The following RORA variants were observed in gnomAD, a reference collection of about 807,000 sequenced individuals.
RORA encodes the protein RAR related orphan receptor A.
Under a neutral mutation model 69.5 loss-of-function variants are expected in RORA, and 7 were observed. The ratio of observed to expected loss-of-function variants is 0.10; its 90% CI spans 0.06 to 0.19. The LOEUF (loss-of-function observed/expected upper bound fraction) is 0.19, where lower values mean the gene tolerates loss of function less well. Among genes scored for constraint, RORA ranks in the 10% least tolerant of loss-of-function variants. The probability of loss-of-function intolerance (pLI) is 1.00; values close to 1 mark genes in which losing one functional copy is unlikely to be tolerated. For missense variants in RORA, 457 were observed against 663.0 expected, an observed-to-expected ratio of 0.69 and a Z score of 3.41; for synonymous variants, 261 against 240.8, an observed-to-expected ratio of 1.08 and a Z score of -0.78.
chr15:60,616,716 T>C (rs2069253245), intron 2 of RORA, among the ~76,000 whole-genome samples: 1 of 152,248 alleles, frequency 6.6e-6, no homozygotes, highest in South Asian at 2.1e-4. Flanking sequence ...TGATTTTCCC[T>C]GAGTAATCTT....
intron 1 of RORA, among the ~76,000 whole-genome samples, chr15:60,721,924 C>G (rs776349326): frequency 2.6e-5 from 4 of 152,256 alleles, no homozygotes; most frequent in African/African-American, 4.8e-5. Flanking sequence ...AGGACTCGCC[C>G]TAGACGGCGT....
At chr15:60,926,020 G>A (rs1039815536) in intron 1 of RORA, among the ~76,000 whole-genome samples, 2 of 152,334 alleles carry the variant, frequency 1.3e-5, no homozygotes, top group African/African-American at 4.8e-5. Context: ...CCTGAAGGTG[G>A]GAGGATAGAG....
At chr15:61,101,538 T>G (rs1316785578) in intron 1 of RORA, among the ~76,000 whole-genome samples, 2 of 152,154 alleles carry the variant, frequency 1.3e-5, no homozygotes, top group African/African-American at 4.8e-5. Flanking sequence ...TAAACTGGAA[T>G]GATCCTAGAA....
At chr15:60,954,744 T>C (rs1009389619) in intron 1 of RORA, among the ~76,000 whole-genome samples, 1 of 152,188 alleles carries the variant, frequency 6.6e-6, no homozygotes, top group Non-Finnish European at 1.5e-5. Context: ...TTTTTGCCAT[T>C]AAAATTAATG....
intron 2 of RORA, chr15:60,593,263 C>T (rs931298159): frequency 6.0e-6 from 1 of 167,552 alleles, no homozygotes; most frequent in African/African-American, 2.4e-5. Context: ...CCACTGATAC[C>T]TGCAAGGAAA....
intron 2 of RORA, among the ~76,000 whole-genome samples, chr15:60,581,306 CTT>C (rs1249601592): frequency 6.6e-6 from 1 of 152,172 alleles, no homozygotes; most frequent in African/African-American, 2.4e-5. Context: ...TCTTAAACAA[CTT>C]TGTTTCTCTG....
intron 1 of RORA, among the ~76,000 whole-genome samples, chr15:61,076,129 G>A (rs948015757): frequency 1.1e-4 from 17 of 152,184 alleles, no homozygotes; most frequent in Admixed American, 3.9e-4. Context: ...ATGCAGACCC[G>A]TGATTCTCTG....
At chr15:61,103,238 A>G (rs1480690807) in intron 1 of RORA, among the ~76,000 whole-genome samples, 3 of 152,084 alleles carry the variant, frequency 2.0e-5, no homozygotes, top group African/African-American at 4.8e-5. Context: ...GCAGTGGAGG[A>G]TGGGCTGTGA....
chr15:61,146,012 T>A (rs28709200), intron 1 of RORA, among the ~76,000 whole-genome samples: 1,838 of 152,314 alleles, frequency 0.012, 39 homozygotes, highest in African/African-American at 0.042. Flanking sequence ...AGATAGCAGG[T>A]AGCTTGAGTT....
At chr15:61,110,940 T>C (rs2079001238) in intron 1 of RORA, among the ~76,000 whole-genome samples, 1 of 151,940 alleles carries the variant, frequency 6.6e-6, no homozygotes, top group Non-Finnish European at 1.5e-5. Flanking sequence ...ATGTGTGGAG[T>C]TGTTTGTTTC....
intron 1 of RORA, among the ~76,000 whole-genome samples, chr15:60,846,052 T>C (rs1459760021): frequency 2.0e-5 from 3 of 152,186 alleles, no homozygotes; most frequent in Non-Finnish European, 4.4e-5. Context: ...GCTGTGAAGC[T>C]ATTTTTATTA....
intron 1 of RORA, among the ~76,000 whole-genome samples, chr15:60,833,169 G>C (rs2073069664): frequency 6.6e-6 from 1 of 151,460 alleles, no homozygotes; most frequent in Non-Finnish European, 1.5e-5. Flanking sequence ...CTCTCAAAAT[G>C]CTGGGATTAC....
chr15:61,207,185 C>A (rs1026595966), intron 1 of RORA, among the ~76,000 whole-genome samples: 1 of 152,056 alleles, frequency 6.6e-6, no homozygotes, highest in Non-Finnish European at 1.5e-5. Flanking sequence ...ACTTGTTGGG[C>A]CCAACCTTTC....
chr15:60,545,435 T>G (rs1328806458), intron 2 of RORA, among the ~76,000 whole-genome samples: 1 of 152,186 alleles, frequency 6.6e-6, no homozygotes, highest in Non-Finnish European at 1.5e-5. Flanking sequence ...CCATAATATT[T>G]CTATTGAAGC....
intron 3 of RORA, among the ~76,000 whole-genome samples, chr15:60,518,905 C>T (rs1340163810): frequency 2.0e-5 from 3 of 152,160 alleles, no homozygotes; most frequent in African/African-American, 4.8e-5. Flanking sequence ...TTGCTTTCCT[C>T]GTTTCAGTTA....
intron 2 of RORA, among the ~76,000 whole-genome samples, chr15:60,629,164 T>A (rs1312937549): frequency 6.7e-6 from 1 of 149,930 alleles, no homozygotes; most frequent in Non-Finnish European, 1.5e-5. Context: ...CTTTTCGATG[T>A]TTATAAGGAT....
intron 1 of RORA, among the ~76,000 whole-genome samples, chr15:61,197,057 C>T (rs1444727601): frequency 2.0e-5 from 3 of 152,174 alleles, no homozygotes; most frequent in Non-Finnish European, 4.4e-5. Context: ...AGGGGAAAGC[C>T]GATGAGGGAG....
intron 1 of RORA, among the ~76,000 whole-genome samples, chr15:60,918,355 G>A (rs1891941285): frequency 6.6e-6 from 1 of 152,178 alleles, no homozygotes; most frequent in African/African-American, 2.4e-5. Context: ...TACTGGTTTG[G>A]TAGGCCATTA....
At chr15:60,663,065 C>T (rs1239418451) in intron 2 of RORA, among the ~76,000 whole-genome samples, 1 of 152,172 alleles carries the variant, frequency 6.6e-6, no homozygotes, top group African/African-American at 2.4e-5. Context: ...GAAGGGCCAC[C>T]CCCACTCTGA....
Sources: gnomAD v4.1 joint callset for allele counts (sites outside exome capture counted in the v4.1 genomes callset) on GRCh38, gnomAD v4.1.1 for gene constraint, MANE v1.5 for transcripts, NCBI Gene and HGNC (gene_info 2026-07-23, HGNC 2026-07-21) for gene names.